CCDC7: variants seen among roughly 807,000 people sequenced by gnomAD.
CCDC7 encodes the protein coiled-coil domain-containing protein 7.
Under a neutral mutation model 196.9 loss-of-function variants are expected in CCDC7, and 183 were observed. The ratio of observed to expected loss-of-function variants is 0.93; its 90% confidence interval spans 0.82 to 1.05. The LOEUF is 1.05. Ranked by LOEUF, CCDC7 falls within the 50% of genes least tolerant of loss-of-function variation. The pLI, the probability that CCDC7 is intolerant of heterozygous loss-of-function variation, is 0.00. For missense variants in CCDC7, 1,540 were observed against 1,482.2 expected (o/e 1.04, Z -0.64); for synonymous variants, 525 against 484.6 (o/e 1.08, Z -1.10).
chr10:32,653,083 G>A (rs1214597709), intron 20 of CCDC7, among the ~76,000 whole-genome samples: 1 of 152,084 alleles, frequency 6.6e-6, no homozygotes, highest in Non-Finnish European at 1.5e-5. Flanking sequence ...ACTATTTTAG[G>A]TTGTCAATTC....
intron 8 of CCDC7, chr10:32,481,793 C>T (rs905719763): frequency 6.7e-6 from 1 of 149,348 alleles, no homozygotes; most frequent in Non-Finnish European, 1.5e-5. Flanking sequence ...GTAAGGTATT[C>T]TTGGTTGGCA....
intron 18 of CCDC7, among the ~76,000 whole-genome samples, chr10:32,585,882 A>G (rs186007854): frequency 2.2e-4 from 33 of 152,272 alleles, no homozygotes; most frequent in Admixed American, 1.8e-3. Flanking sequence ...TGCTTTGGGT[A>G]TATACCGAGT....
intron 9 of CCDC7, among the ~76,000 whole-genome samples, chr10:32,505,653 A>T (rs574762301): frequency 6.7e-6 from 1 of 148,890 alleles, no homozygotes; most frequent in Non-Finnish European, 1.5e-5. Flanking sequence ...TTTCGACAAA[A>T]CCGCCACTGT....
At chr10:32,528,847 T>C (rs961175883) in intron 11 of CCDC7, among the ~76,000 whole-genome samples, 10 of 151,316 alleles carry the variant, frequency 6.6e-5, no homozygotes, top group African/African-American at 2.4e-4. Context: ...GATGGGCATT[T>C]GGGCTGGTTC....
downstream of CCDC7, among the ~76,000 whole-genome samples, chr10:32,877,831 C>G (rs2094643022): frequency 6.6e-6 from 1 of 152,118 alleles, no homozygotes; most frequent in Admixed American, 6.6e-5. Context: ...CCAATTAAAC[C>G]AGATTCTCTG....
intron 31 of CCDC7, among the ~76,000 whole-genome samples, chr10:32,816,089 AAAG>A (rs1309868138): frequency 1.8e-5 from 2 of 112,212 alleles, no homozygotes; most frequent in African/African-American, 4.3e-5. Flanking sequence ...TTTCCTAGTA[AAAG>A]AAAGGGGTGA....
intron 30 of CCDC7, among the ~76,000 whole-genome samples, chr10:32,806,184 G>A (rs960410767): frequency 6.6e-6 from 1 of 152,128 alleles, no homozygotes; most frequent in African/African-American, 2.4e-5. Context: ...AGGGGAAAGA[G>A]TTTTCGGTAA....
At chr10:32,682,226 A>G (rs1048984317) in intron 21 of CCDC7, among the ~76,000 whole-genome samples, 1 of 152,120 alleles carries the variant, frequency 6.6e-6, no homozygotes. Flanking sequence ...CTTTGTGTCC[A>G]TGTGTACTCA....
At chr10:32,703,657 A>G (rs1215714829) in intron 24 of CCDC7, among the ~76,000 whole-genome samples, 2 of 152,256 alleles carry the variant, frequency 1.3e-5, no homozygotes, top group South Asian at 2.1e-4. Flanking sequence ...TACACCAATC[A>G]GACGTAGATT....
At chr10:32,544,271 T>G (rs2052033495) in exon 13 of CCDC7, 6 of 1,608,326 alleles carry the variant, frequency 3.7e-6, no homozygotes, top group Non-Finnish European at 2.5e-6. Context: ...AAAAAGAGTT[T>G]AAAATAAAAG....
chr10:32,630,698 G>A (rs1249696188), intron 18 of CCDC7, among the ~76,000 whole-genome samples: 1 of 152,020 alleles, frequency 6.6e-6, no homozygotes, highest in Admixed American at 6.5e-5. Context: ...TTATTTATTG[G>A]TTGCAGAATA....
chr10:32,517,138 G>A (rs1004593695), intron 9 of CCDC7, among the ~76,000 whole-genome samples: 1 of 152,054 alleles, frequency 6.6e-6, no homozygotes, highest in African/African-American at 2.4e-5. Flanking sequence ...ACAGCCATAC[G>A]CATTGAAGAA....
chr10:32,741,568 A>G (rs1012778244), intron 28 of CCDC7, among the ~76,000 whole-genome samples: 26 of 152,190 alleles, frequency 1.7e-4, no homozygotes, highest in African/African-American at 5.3e-4. Context: ...CAAATACTGT[A>G]TTTGTAATCT....
intron 9 of CCDC7, among the ~76,000 whole-genome samples, chr10:32,498,208 C>T (rs2043214667): frequency 6.6e-6 from 1 of 152,090 alleles, no homozygotes; most frequent in South Asian, 2.1e-4. Flanking sequence ...ACTAGGATTG[C>T]AAACCCTGCT....
At chr10:32,806,051 T>A (rs1177434490) in intron 30 of CCDC7, among the ~76,000 whole-genome samples, 1 of 152,108 alleles carries the variant, frequency 6.6e-6, no homozygotes, top group African/African-American at 2.4e-5. Context: ...TATACTATTG[T>A]GAGAACAGCA....
chr10:32,484,745 A>G (rs1051875845), intron 8 of CCDC7, among the ~76,000 whole-genome samples: 3 of 152,124 alleles, frequency 2.0e-5, no homozygotes, highest in Non-Finnish European at 2.9e-5. Flanking sequence ...TTCTGCATCT[A>G]TTGAGATAAT....
At position 32,567,041 on chromosome 10, in the gene CCDC7, AAT is replaced by A. The variant is rs1491078581; in HGVS notation, c.1198-619_1198-618del. 5.5e-3 allele frequency among the ~76,000 whole-genome samples: 750 copies of A among 135,688 alleles called. 6 individuals are homozygous for A. Among genetic ancestry groups the A allele is most frequent in the Middle Eastern group, 0.024 (6 of 254 alleles). The allele number at this position is 135,688 out of a possible 152,430, so 89.0% of individuals were successfully genotyped here. ...TCCCTCTAACCTTTCTAATATAGCTAATATATATATAATATATATAGCTAATA... is the reference window on the plus strand; with the variant it reads ...TCCCTCTAACCTTTCTAATATAGCTAATATATATAATATATATAGCTAATA... On this transcript the variant is annotated intron_variant, in intron 14 of 41. Transcript: ENST00000639629.
At chr10:32,591,096 C>G (rs2059737602) in intron 18 of CCDC7, among the ~76,000 whole-genome samples, 1 of 152,070 alleles carries the variant, frequency 6.6e-6, no homozygotes, top group Non-Finnish European at 1.5e-5. Context: ...TCTACCTCCT[C>G]TCTGAGGCCA....
At chr10:32,667,884 A>C (rs1186725103) in intron 21 of CCDC7, among the ~76,000 whole-genome samples, 1 of 152,082 alleles carries the variant, frequency 6.6e-6, no homozygotes, top group African/African-American at 2.4e-5. Context: ...ACTTTAAAGT[A>C]GTTTTTTCCA....
Sources: gnomAD v4.1 joint callset for allele counts (sites outside exome capture counted in the v4.1 genomes callset) on GRCh38, gnomAD v4.1.1 for gene constraint, MANE v1.5 for transcripts, NCBI Gene and HGNC (gene_info 2026-07-23, HGNC 2026-07-21) for gene names.